The following TMEM51 variants were observed in gnomAD, a reference collection of about 807,000 sequenced individuals.
TMEM51 encodes chromosome 1 open reading frame 72.
In TMEM51, 8 loss-of-function variants were observed where a neutral mutation model predicts 13.6. The ratio of observed to expected loss-of-function variants is 0.59; its 90% confidence interval spans 0.35 to 1.07. The LOEUF is 1.07. TMEM51 is among the 50% of genes least tolerant of loss of function. The pLI, the probability that TMEM51 is intolerant of heterozygous loss-of-function variation, is 0.02. For missense variants in TMEM51, 279 were observed against 330.7 expected, an observed-to-expected ratio of 0.84 and a Z score of 1.21; for synonymous variants, 147 against 144.4, an observed-to-expected ratio of 1.02 and a Z score of -0.13.
chr1:15,219,083 C>T lies in TMEM51; in HGVS notation c.345-243C>T, dbSNP rs559350882. Among the ~76,000 whole-genome samples the T allele has an allele frequency of 1.3e-4, 20 of 150,264 alleles. No individual in the cohort carries two copies. The South Asian group carries it at 1.9e-3, about 14-fold the overall frequency. On this transcript the variant is annotated intron_variant, in intron 3 of 3. Coordinates refer to ENST00000376008, the MANE Select transcript of TMEM51 (RefSeq NM_001136218.2). The stretch of plus-strand genomic sequence containing the variant: ...AATTTGGGGACTCACCTGTCCTGTC[C>T]TGCATGACTAGTACTTAACTCATAG...
chr1:15,190,958 T>C (rs1643909998), intron 1 of TMEM51, among the ~76,000 whole-genome samples: 1 of 152,064 alleles, frequency 6.6e-6, no homozygotes, highest in African/African-American at 2.4e-5. Context: ...CGGCTAATTT[T>C]TTGTATTTTT....
intron 1 of TMEM51, among the ~76,000 whole-genome samples, chr1:15,169,285 G>A (rs1479310089): frequency 2.6e-5 from 4 of 152,204 alleles, no homozygotes; most frequent in Non-Finnish European, 2.9e-5. Context: ...TCAGAACTGG[G>A]AAGTGGGAGA....
chr1:15,201,596 T>C (rs1226618527), intron 1 of TMEM51, among the ~76,000 whole-genome samples: 1 of 152,034 alleles, frequency 6.6e-6, no homozygotes, highest in Non-Finnish European at 1.5e-5. Flanking sequence ...TTCCTAAAAA[T>C]CGAAGACAGG....
chr1:15,192,430 TTTTC>T (rs141016745), intron 1 of TMEM51: 4,244 of 257,466 alleles, frequency 0.016, 599 homozygotes, highest in African/African-American at 0.019. Context: ...GTGCTACTTT[TTTTC>T]TTTCTTTCTT....
At chr1:15,185,635 G>A (rs11589870) in intron 1 of TMEM51, among the ~76,000 whole-genome samples, 81,744 of 152,148 alleles carry the variant, frequency 0.54, 22,450 homozygotes, top group East Asian at 0.64. Context: ...AATGGGTGAC[G>A]AAAGGGACAT....
Position 15,219,579 on chromosome 1 carries a change from C to G in TMEM51, c.598C>G (p.Pro200Ala), listed in dbSNP as rs768335923. Reference sequence around the variant, plus strand: ...CTCTAAGTTGGCCAAACGACTGAAACCGCTGAAAGTTCGAAGGATTAAATC... The same window carrying G: ...CTCTAAGTTGGCCAAACGACTGAAAGCGCTGAAAGTTCGAAGGATTAAATC... ...QNSKLAKRLK[P>A]LKVRRIKSEK... is the part of the protein sequence containing the mutation. Residue 200 changes from proline (P) to alanine (A), a missense_variant, in exon 4 of 4, where the codon CCG becomes GCG. Transcript: ENST00000376008. 16 of 1,613,976 alleles carry G rather than the reference C, an allele frequency of 9.9e-6. No homozygotes were observed. Among genetic ancestry groups the G allele is most frequent in the Non-Finnish European group, 1.3e-5 (15 of 1,180,040 alleles).
chr1:15,202,398 A>C (rs1473806286), intron 1 of TMEM51, among the ~76,000 whole-genome samples: 2 of 152,178 alleles, frequency 1.3e-5, no homozygotes, highest in East Asian at 1.9e-4. Context: ...CCCAAACTTC[A>C]TGGCTGAAAA....
intron 1 of TMEM51, among the ~76,000 whole-genome samples, chr1:15,173,799 C>T (rs769029639): frequency 6.6e-5 from 10 of 152,126 alleles, no homozygotes; most frequent in Non-Finnish European, 1.0e-4. Flanking sequence ...ACATGCTGAA[C>T]GTTTCTATGA....
intron 1 of TMEM51, chr1:15,168,372 A>C (rs1262927411): frequency 8.9e-7 from 1 of 1,126,090 alleles, no homozygotes; most frequent in East Asian, 5.9e-5. Flanking sequence ...ATGGGGAAGA[A>C]AAGAAGGAAG....
chr1:15,179,579 G>T (rs4661591), intron 1 of TMEM51, among the ~76,000 whole-genome samples: 150,565 of 152,244 alleles, frequency 0.99, 74,460 homozygotes, highest in Middle Eastern at 1. Flanking sequence ...GCCCAGGAGT[G>T]CAAGACCAGC....
intron 1 of TMEM51, chr1:15,168,798 G>A (rs1466918782): frequency 3.1e-6 from 4 of 1,291,426 alleles, no homozygotes; most frequent in Non-Finnish European, 4.1e-6. Context: ...TTCAAGAAGA[G>A]TTTAGGGGAA....
chr1:15,216,432 A>G (rs1262885951), intron 3 of TMEM51, among the ~76,000 whole-genome samples: 1 of 152,210 alleles, frequency 6.6e-6, no homozygotes, highest in Non-Finnish European at 1.5e-5. Flanking sequence ...TTAGTCATGA[A>G]ATGCAAGCAA....
At chr1:15,201,444 G>C (rs1186828164) in intron 1 of TMEM51, among the ~76,000 whole-genome samples, 1 of 151,346 alleles carries the variant, frequency 6.6e-6, no homozygotes, top group Non-Finnish European at 1.5e-5. Flanking sequence ...AAAATTAATA[G>C]TAATAATAAG....
At chr1:15,194,917 C>CTTTT (rs34885407) in intron 1 of TMEM51, among the ~76,000 whole-genome samples, 65 of 93,438 alleles carry the variant, frequency 7.0e-4, no homozygotes, top group Non-Finnish European at 8.7e-4. Flanking sequence ...TATAATTTTA[C>CTTTT]TTTTTTTTTT....
chr1:15,215,019 G>C lies in TMEM51; in HGVS notation c.-69G>C. 1 of 1,448,452 alleles carries C rather than the reference G, an allele frequency of 6.9e-7. No homozygotes were observed. The highest frequency in any genetic ancestry group is 9.3e-7 in the Non-Finnish European group (1 of 1,073,462). 89.7% of individuals were successfully genotyped at this position (1,448,452 alleles called of 1,614,324 possible). On this transcript the variant is annotated 5_prime_UTR_variant, in exon 3 of 4. Coordinates refer to ENST00000376008, the MANE Select transcript of TMEM51 (RefSeq NM_001136218.2). ...TGTGGAGCGCATTTAAGGGGTTTTT[G>C]TTGTGACTGCTGCCTTGTATACATT...
chr1:15,216,451 CTT>C (rs1425433095), intron 3 of TMEM51, among the ~76,000 whole-genome samples: 1 of 152,090 alleles, frequency 6.6e-6, no homozygotes, highest in Non-Finnish European at 1.5e-5. Context: ...AAAAAGATGT[CTT>C]TTCTTTTTTT....
intron 1 of TMEM51, among the ~76,000 whole-genome samples, chr1:15,199,320 G>A (rs1294301545): frequency 1.3e-5 from 2 of 152,102 alleles, no homozygotes; most frequent in African/African-American, 4.8e-5. Context: ...TTTAAGTAGA[G>A]ATGGGGTCCC....
chr1:15,155,845 A>G (rs1642573832), intron 1 of TMEM51, among the ~76,000 whole-genome samples: 1 of 152,234 alleles, frequency 6.6e-6, no homozygotes, highest in East Asian at 1.9e-4. Flanking sequence ...GATGAACAAC[A>G]TGGAGAAAGA....
intron 3 of TMEM51, among the ~76,000 whole-genome samples, chr1:15,216,822 A>T (rs1644439535): frequency 6.6e-6 from 1 of 152,198 alleles, no homozygotes; most frequent in Non-Finnish European, 1.5e-5. Context: ...CAATGAGAAA[A>T]GGGGGATATA....
Sources: allele counts gnomAD v4.1 joint callset (sites outside exome capture counted in the v4.1 genomes callset), GRCh38; gene constraint gnomAD v4.1.1; transcripts MANE v1.5; gene names NCBI Gene and HGNC (gene_info 2026-07-23, HGNC 2026-07-21).